NHSL1: variants seen among roughly 807,000 people sequenced by gnomAD.
NHSL1 encodes the protein NHS-like protein 1.
A neutral mutation model predicts 95.0 loss-of-function variants in NHSL1; 48 were observed. That is an observed-to-expected ratio of 0.51 (90% CI 0.40 to 0.64). NHSL1 has a LOEUF of 0.64. Ranked by LOEUF, NHSL1 falls within the 30% of genes least tolerant of loss-of-function variation. NHSL1 has a pLI of 0.00. For missense variants in NHSL1, 1,971 were observed against 2,077.7 expected (o/e 0.95, Z 1.00); for synonymous variants, 783 against 833.9 (o/e 0.94, Z 1.05).
chr6:138,557,042 T>C (rs967933871), intron 1 of NHSL1, among the ~76,000 whole-genome samples: 2 of 152,108 alleles, frequency 1.3e-5, no homozygotes, highest in East Asian at 3.9e-4. Context: ...AACAAAGCAG[T>C]AGATGATAAT....
At chr6:138,468,310 A>C (rs988393876) in intron 3 of NHSL1, among the ~76,000 whole-genome samples, 1 of 152,168 alleles carries the variant, frequency 6.6e-6, no homozygotes, top group Non-Finnish European at 1.5e-5. Flanking sequence ...ACAATTATCT[A>C]GAGTATTCAG....
At chr6:138,633,021 TAATC>T (rs1006163742) in intron 1 of NHSL1, among the ~76,000 whole-genome samples, 3 of 151,994 alleles carry the variant, frequency 2.0e-5, no homozygotes, top group Non-Finnish European at 4.4e-5. Flanking sequence ...TAATTAAAAA[TAATC>T]AAGCAGAAAT....
chr6:138,429,997 G>A (rs758816501), intron 6 of NHSL1, among the ~76,000 whole-genome samples, 154 bp from the exon 7 acceptor site: 5 of 152,212 alleles, frequency 3.3e-5, no homozygotes, highest in Non-Finnish European at 7.3e-5. Context: ...TTACAAAGAA[G>A]GGAGGAAATG....
chr6:138,450,924 T>C (rs1777192175), intron 3 of NHSL1, among the ~76,000 whole-genome samples: 1 of 152,162 alleles, frequency 6.6e-6, no homozygotes, highest in African/African-American at 2.4e-5. Context: ...ATGGACATAG[T>C]AATACCGGAT....
At chr6:138,496,019 C>A (rs959292850) in intron 2 of NHSL1, among the ~76,000 whole-genome samples, 200 bp downstream of exon 2, 2 of 152,108 alleles carry the variant, frequency 1.3e-5, no homozygotes, top group Non-Finnish European at 2.9e-5. Context: ...ATTATGGGAG[C>A]TACAATTCAA....
intron 3 of NHSL1, among the ~76,000 whole-genome samples, chr6:138,447,735 T>C (rs1339364632): frequency 5.9e-5 from 9 of 152,162 alleles, no homozygotes; most frequent in Non-Finnish European, 4.4e-5. Flanking sequence ...ATTGTGCCAC[T>C]GCACTCCAGC....
intron 1 of NHSL1, among the ~76,000 whole-genome samples, chr6:138,657,695 G>A (rs1726090145): frequency 6.6e-6 from 1 of 151,294 alleles, no homozygotes; most frequent in African/African-American, 2.4e-5. Context: ...GGCGCCTGTG[G>A]TCCCAGCTAC....
intron 1 of NHSL1, among the ~76,000 whole-genome samples, chr6:138,639,465 C>T (rs1032570521): frequency 2.0e-5 from 3 of 151,562 alleles, no homozygotes; most frequent in Non-Finnish European, 1.5e-5. Flanking sequence ...GGTGAAACCC[C>T]GTCTTCTACT....
intron 3 of NHSL1, among the ~76,000 whole-genome samples, chr6:138,450,733 G>A (rs1007277025): frequency 2.6e-5 from 4 of 152,172 alleles, no homozygotes; most frequent in Non-Finnish European, 5.9e-5. Flanking sequence ...GCAGGGCACA[G>A]ATAAAGTTAT....
intron 1 of NHSL1, among the ~76,000 whole-genome samples, chr6:138,589,822 C>T (rs1434288023): frequency 6.6e-6 from 1 of 152,130 alleles, no homozygotes; most frequent in Non-Finnish European, 1.5e-5. Context: ...GTCGGCACAG[C>T]CCCAGCCTCT....
At position 138,433,313 on chromosome 6, in the gene NHSL1, G is replaced by A. The variant is rs774115580; in HGVS notation, c.1032C>T (p.Leu344=). ...IQSLEPRLGA[L]GPAGDMNGTF... ...TGCCATTCATGTCTCCTGCAGGGCCGAGGGCACCCAGCCTCGGCTCAAGGG... is the reference window on the plus strand; with the variant it reads ...TGCCATTCATGTCTCCTGCAGGGCCAAGGGCACCCAGCCTCGGCTCAAGGG... The change falls in exon 6 of 8, where the codon CTC becomes CTT. Residue 344 remains leucine, a synonymous_variant. Coordinates refer to ENST00000343505, the MANE Select transcript of NHSL1 (RefSeq NM_001144060.2). 1.1e-5 allele frequency: 17 copies of A among 1,551,608 alleles called. No homozygotes were observed. The highest frequency in any genetic ancestry group is 4.1e-5 in the African/African-American group (3 of 72,984).
chr6:138,596,901 T>C (rs1460113340), intron 1 of NHSL1, among the ~76,000 whole-genome samples: 1 of 152,066 alleles, frequency 6.6e-6, no homozygotes, highest in Non-Finnish European at 1.5e-5. Context: ...CAAGCAGAGT[T>C]TGAAGTGCTC....
intron 1 of NHSL1, among the ~76,000 whole-genome samples, chr6:138,589,042 C>G (rs1487175808): frequency 6.6e-6 from 1 of 152,144 alleles, no homozygotes; most frequent in African/African-American, 2.4e-5. Flanking sequence ...AGGAAGAGAA[C>G]TGGTGGGTGG....
intron 1 of NHSL1, among the ~76,000 whole-genome samples, chr6:138,621,104 A>G (rs1784650798): frequency 6.6e-6 from 1 of 152,214 alleles, no homozygotes; most frequent in Admixed American, 6.5e-5. Flanking sequence ...CCCCCCTGCC[A>G]GCATCCCCCA....
intron 1 of NHSL1, among the ~76,000 whole-genome samples, chr6:138,653,331 G>A (rs773049185): frequency 6.6e-6 from 1 of 152,120 alleles, no homozygotes; most frequent in African/African-American, 2.4e-5. Flanking sequence ...CGAGGAGGGT[G>A]GATCACGAGG....
intron 3 of NHSL1, among the ~76,000 whole-genome samples, chr6:138,451,650 C>T (rs535102149): frequency 4.6e-5 from 7 of 152,208 alleles, no homozygotes; most frequent in Admixed American, 1.3e-4. Context: ...ACAGTGTTTG[C>T]CTTGTTTAAT....
At chr6:138,571,636 G>C (rs560192569) in intron 1 of NHSL1, 35 of 1,372,606 alleles carry the variant, frequency 2.5e-5, no homozygotes, top group Non-Finnish European at 2.9e-5. Context: ...AATCATGAAG[G>C]GGGAGTGATA....
At chr6:138,557,414 CACACAAGGTAACACAGGAGCA>C (rs1406877157) in intron 1 of NHSL1, among the ~76,000 whole-genome samples, 1 of 152,184 alleles carries the variant, frequency 6.6e-6, no homozygotes, top group Non-Finnish European at 1.5e-5. Flanking sequence ...CAGACCCCCC[CACACAAGGTAACACAGGAGCA>C]ACACCAAGCC....
chr6:138,670,298 C>T (rs1319804594), intron 1 of NHSL1, among the ~76,000 whole-genome samples: 2 of 151,414 alleles, frequency 1.3e-5, no homozygotes, highest in African/African-American at 4.9e-5. Context: ...TACTAGACAC[C>T]TTAGGAAAAT....
Sources: allele counts gnomAD v4.1 joint callset (sites outside exome capture counted in the v4.1 genomes callset), GRCh38; gene constraint gnomAD v4.1.1; transcripts MANE v1.5; gene names NCBI Gene and HGNC (gene_info 2026-07-23, HGNC 2026-07-21).